The following DLGAP1 variants were observed in gnomAD, a reference collection of about 807,000 sequenced individuals.
The protein encoded by DLGAP1 is disks large-associated protein 1.
In DLGAP1, 11 loss-of-function variants were observed where a neutral mutation model predicts 90.8. The observed-to-expected ratio is 0.12, with a 90% CI of 0.08 to 0.20. The LOEUF (loss-of-function observed/expected upper bound fraction) is 0.20. Among genes scored for constraint, DLGAP1 ranks in the 10% least tolerant of loss-of-function variants. DLGAP1 has a pLI of 1.00. For synonymous variants in DLGAP1, 558 were observed against 540.7 expected, an observed-to-expected ratio of 1.03 and a Z score of -0.44; for missense variants, 1,050 against 1,333.8, an observed-to-expected ratio of 0.79 and a Z score of 3.31.
chr18:3,911,043 G>T (rs970924896), intron 3 of DLGAP1, among the ~76,000 whole-genome samples: 3 of 152,144 alleles, frequency 2.0e-5, no homozygotes, highest in African/African-American at 2.4e-5. Context: ...CTCCAGCTGC[G>T]AGTTGAGAAA....
chr18:3,541,246 A>C (rs2052677445), intron 9 of DLGAP1, among the ~76,000 whole-genome samples: 1 of 152,202 alleles, frequency 6.6e-6, no homozygotes, highest in African/African-American at 2.4e-5. Context: ...AGAGAGAGAA[A>C]GAGAAGGAGG....
intron 7 of DLGAP1, among the ~76,000 whole-genome samples, chr18:3,668,970 T>A (rs1210489056): frequency 1.3e-5 from 2 of 151,936 alleles, no homozygotes; most frequent in Non-Finnish European, 2.9e-5. Flanking sequence ...GGCGACCGAG[T>A]AAGACTCTGT....
chr18:3,518,080 C>T (rs1169165055), intron 10 of DLGAP1, among the ~76,000 whole-genome samples: 1 of 152,174 alleles, frequency 6.6e-6, no homozygotes, highest in African/African-American at 2.4e-5. Flanking sequence ...TTTGACATGC[C>T]TTCCTAACTA....
intron 7 of DLGAP1, among the ~76,000 whole-genome samples, chr18:3,602,002 CCTT>C (rs2057061917): frequency 2.0e-5 from 3 of 152,040 alleles, no homozygotes; most frequent in Admixed American, 6.6e-5. Context: ...GTGCGAGACT[CCTT>C]CTCAAATGAA....
In DLGAP1 at chr18:3,879,506, C is replaced by G. The variant is rs371186913; in HGVS notation, c.563G>C (p.Arg188Pro). The G allele has an allele frequency of 1.7e-5, 27 of 1,603,096 alleles. No homozygotes were observed. Among genetic ancestry groups the G allele is most frequent in the Non-Finnish European group, 2.3e-5 (27 of 1,179,616 alleles). The change falls in exon 4 of 13, where the codon CGC becomes CCC. Residue 188 changes from arginine to proline, a missense_variant. Coordinates refer to ENST00000315677, the MANE Select transcript of DLGAP1 (RefSeq NM_004746.4). The surrounding 1 kb of genome is among the most constrained non-coding windows in gnomAD (Gnocchi z 6.6). ...YGKRSKSKER[R>P]AEPKARPSTS... is the part of the protein sequence containing the mutation. ...GCTGGGCCGGGCCTTGGGCTCCGCG[C>G]GCCGCTCCTTGCTCTTGCTGCGTTT...
At position 3,879,377 on chromosome 18, in the gene DLGAP1, G is replaced by A; in HGVS notation, c.692C>T (p.Ser231Leu). Residue 231 changes from serine (S) to leucine (L), a missense_variant, in exon 4 of 13, where the codon TCG becomes TTG. By Grantham distance (145) the Ser-to-Leu change is moderately radical. Transcript: ENST00000315677. The surrounding 1 kb of genome is among the most constrained non-coding windows in gnomAD (Gnocchi z 6.6). The part of the protein sequence containing the change: ...VMTMGRCPDR[S>L]ASQYFLEAYN... ...GGCCTCCAGGAAGTACTGTGAGGCC[G>A]AGCGGTCGGGGCACCTGCCCATGGT... is the stretch of plus-strand genomic sequence containing the variant. 1.2e-6 allele frequency: 2 copies of A among 1,613,368 alleles called. No individual in the cohort carries two copies. The highest frequency in any genetic ancestry group is 1.7e-6 in the Non-Finnish European group (2 of 1,179,914).
intron 3 of DLGAP1, among the ~76,000 whole-genome samples, chr18:3,880,387 G>A (rs891405262): frequency 5.1e-4 from 77 of 151,950 alleles, no homozygotes; most frequent in Non-Finnish European, 1.5e-5. Flanking sequence ...TATTGCCCAG[G>A]CTTGGTCTCG....
At chr18:4,069,993 T>C (rs2075423864) in intron 2 of DLGAP1, among the ~76,000 whole-genome samples, 1 of 149,098 alleles carries the variant, frequency 6.7e-6, no homozygotes, top group South Asian at 2.1e-4. Flanking sequence ...TCTTTCTTTT[T>C]TTTTTTTGAG....
At chr18:3,595,402 A>G (rs1259741485) in intron 7 of DLGAP1, among the ~76,000 whole-genome samples, 1 of 152,214 alleles carries the variant, frequency 6.6e-6, no homozygotes, top group Non-Finnish European at 1.5e-5. Context: ...TAAGTTAAAC[A>G]GGAAGTTGAA....
intron 1 of DLGAP1, among the ~76,000 whole-genome samples, chr18:4,347,314 G>A (rs1015123114): frequency 7.9e-5 from 12 of 152,002 alleles, no homozygotes; most frequent in South Asian, 4.1e-4. Context: ...GCTGCAAAAC[G>A]TTGGAAATGA....
At chr18:4,385,338 CA>C (rs1333100766) in intron 1 of DLGAP1, among the ~76,000 whole-genome samples, 7 of 152,172 alleles carry the variant, frequency 4.6e-5, no homozygotes, top group African/African-American at 1.7e-4. Context: ...AGCTAGTGTA[CA>C]ACCTGTATGT....
rs114742784 is a variant in DLGAP1, at chr18:3,605,360, C to T, written c.1592-23112G>A. On this transcript the variant is annotated intron_variant, in intron 7 of 12. Transcript: ENST00000315677. ...CACAGCAGTTTTTAATCAGGCAGAG[C>T]ACTTATTACATTATAATTATCTTCT... 3.8e-3 allele frequency among the ~76,000 whole-genome samples: 577 copies of T among 152,302 alleles called. 3 individuals are homozygous for T. Among genetic ancestry groups the T allele is most frequent in the African/African-American group, 0.013 (555 of 41,548 alleles).
chr18:4,427,490 T>C (rs1422578068), intron 1 of DLGAP1, among the ~76,000 whole-genome samples: 1 of 152,190 alleles, frequency 6.6e-6, no homozygotes, highest in Non-Finnish European at 1.5e-5. Flanking sequence ...GAACCTTAGA[T>C]TGGAAGAGCT....
intron 1 of DLGAP1, chr18:4,294,226 C>T (rs987481383): frequency 2.0e-5 from 3 of 152,196 alleles, no homozygotes; most frequent in Admixed American, 6.5e-5. Flanking sequence ...ACATTCTTTC[C>T]AGAGCTGACC....
chr18:3,782,868 T>A (rs1389670633), intron 5 of DLGAP1, among the ~76,000 whole-genome samples: 1 of 152,170 alleles, frequency 6.6e-6, no homozygotes, highest in Non-Finnish European at 1.5e-5. Flanking sequence ...GAAAAGACAA[T>A]CCAAAGAATG....
At chr18:3,624,479 G>A (rs1415298847) in intron 7 of DLGAP1, among the ~76,000 whole-genome samples, 1 of 152,202 alleles carries the variant, frequency 6.6e-6, no homozygotes, top group Non-Finnish European at 1.5e-5. Flanking sequence ...GGGCTGGGCA[G>A]GCCTCTGGAA....
At chr18:3,847,879 C>T (rs371245137) in intron 4 of DLGAP1, among the ~76,000 whole-genome samples, 10 of 152,132 alleles carry the variant, frequency 6.6e-5, no homozygotes, top group South Asian at 2.1e-4. Flanking sequence ...GGGCCAGGCA[C>T]GGTGTCTCAC....
chr18:3,635,284 C>A (rs538555467), intron 7 of DLGAP1, among the ~76,000 whole-genome samples: 34 of 152,180 alleles, frequency 2.2e-4, no homozygotes, highest in Non-Finnish European at 3.7e-4. Context: ...GCGCCCGCCA[C>A]CACGCCCGGC....
chr18:3,886,546 G>C (rs1442372309), intron 3 of DLGAP1, among the ~76,000 whole-genome samples: 1 of 144,338 alleles, frequency 6.9e-6, no homozygotes, highest in Non-Finnish European at 1.5e-5. Flanking sequence ...TATTTTTTTT[G>C]TACCCATTAA....
Sources: gnomAD v4.1 joint callset for allele counts (sites outside exome capture counted in the v4.1 genomes callset) on GRCh38, gnomAD v4.1.1 for gene constraint, Gnocchi (gnomAD v3.1) non-coding constraint, MANE v1.5 for transcripts, NCBI Gene and HGNC (gene_info 2026-07-23, HGNC 2026-07-21) for gene names.